Variants in RICTOR observed in about 807,000 individuals in gnomAD.
The protein encoded by RICTOR is rapamycin-insensitive companion of mTOR.
A neutral mutation model predicts 214.9 loss-of-function variants in RICTOR; 49 were observed. The ratio of observed to expected loss-of-function variants is 0.23; its 90% confidence interval spans 0.18 to 0.29. The LOEUF (loss-of-function observed/expected upper bound fraction) is 0.29. Ranked by LOEUF, RICTOR falls within the 10% of genes least tolerant of loss-of-function variation. The pLI, the probability that RICTOR is intolerant of heterozygous loss-of-function variation, is 1.00. For synonymous variants in RICTOR, 717 were observed against 711.3 expected (o/e 1.01, Z -0.13); for missense variants, 1,625 against 2,047.0 (o/e 0.79, Z 3.98).
chr5:39,019,799 C>T (rs1755257049), intron 3 of RICTOR, among the ~76,000 whole-genome samples: 1 of 152,094 alleles, frequency 6.6e-6, no homozygotes, highest in African/African-American at 2.4e-5. Flanking sequence ...ATACATTTTA[C>T]AACACTACAG....
intron 2 of RICTOR, among the ~76,000 whole-genome samples, chr5:39,047,090 T>C (rs1048548235): frequency 2.0e-5 from 3 of 152,342 alleles, no homozygotes; most frequent in Admixed American, 2.0e-4. Flanking sequence ...AATTTCCATC[T>C]TCAAATAATA....
chr5:39,072,209 C>T (rs1759374762), intron 2 of RICTOR, among the ~76,000 whole-genome samples: 1 of 152,146 alleles, frequency 6.6e-6, no homozygotes, highest in Non-Finnish European at 1.5e-5. Context: ...CCGAAAACAG[C>T]ATTTTCTGCA....
chr5:39,057,710 C>T (rs1275540461), intron 2 of RICTOR, among the ~76,000 whole-genome samples: 2 of 152,078 alleles, frequency 1.3e-5, no homozygotes, highest in African/African-American at 4.8e-5. Flanking sequence ...TTTAAATCTG[C>T]TCAGTGAACT....
At chr5:39,034,041 G>A (rs545506719) in intron 2 of RICTOR, among the ~76,000 whole-genome samples, 4 of 152,118 alleles carry the variant, frequency 2.6e-5, no homozygotes, top group African/African-American at 9.6e-5. Flanking sequence ...TGATTTCAAG[G>A]AGAAAAGGTT....
chr5:39,043,225 A>G (rs1757284989), intron 2 of RICTOR, among the ~76,000 whole-genome samples: 1 of 152,234 alleles, frequency 6.6e-6, no homozygotes, highest in East Asian at 1.9e-4. Flanking sequence ...GCCAAGATAT[A>G]GAAGCAACCT....
intron 19 of RICTOR, among the ~76,000 whole-genome samples, chr5:38,961,415 G>A (rs907432601): frequency 1.3e-5 from 2 of 152,104 alleles, no homozygotes; most frequent in Non-Finnish European, 2.9e-5. Context: ...TAGGCAAAAG[G>A]TCAAGCATGA....
At chr5:38,991,868 A>T (rs1752800308) in intron 6 of RICTOR, among the ~76,000 whole-genome samples, 1 of 152,150 alleles carries the variant, frequency 6.6e-6, no homozygotes, top group African/African-American at 2.4e-5. Flanking sequence ...ATTAATTCAA[A>T]ATAGCAGGTT....
chr5:38,990,657 T>C lies in RICTOR; in HGVS notation c.583+292A>G, dbSNP rs1314971163. On this transcript the variant is annotated intron_variant, in intron 7 of 37. Transcript: ENST00000357387. ...TATCTGACATATATCAGATATATGA[T>C]ATATATCAGATATATATCAGATATA... Among the ~76,000 whole-genome samples, 24 of 83,402 alleles carry C rather than the reference T, an allele frequency of 2.9e-4. 3 individuals are homozygous for C. The highest frequency in any genetic ancestry group is 9.9e-4 in the African/African-American group (23 of 23,116). The allele number at this position is 83,402 out of a possible 152,430, so 54.7% of individuals were successfully genotyped here.
chr5:38,960,443 C>A lies in RICTOR; in HGVS notation c.1806G>T (p.Thr602=), dbSNP rs760985733. 8 of 1,613,866 alleles carry A rather than the reference C, an allele frequency of 5.0e-6. No homozygotes were observed. Among genetic ancestry groups the A allele is most frequent in the Non-Finnish European group, 5.9e-6 (7 of 1,179,800 alleles). ...DLDFAKAKQL[T]VVGCQFTEFL... ...ATTCTGTAAACTGGCAACCTACAACCGTGAGCTGTTTGGCCTTGGCAAAAT... is the reference window on the plus strand; with the variant it reads ...ATTCTGTAAACTGGCAACCTACAACAGTGAGCTGTTTGGCCTTGGCAAAAT... The change falls in exon 20 of 38, where the codon ACG becomes ACT. Residue 602 remains threonine, a synonymous_variant. Coordinates refer to ENST00000357387, the MANE Select transcript of RICTOR (RefSeq NM_152756.5).
At chr5:39,039,912 T>C (rs975051282) in intron 2 of RICTOR, among the ~76,000 whole-genome samples, 17 of 151,880 alleles carry the variant, frequency 1.1e-4, no homozygotes, top group Admixed American at 7.9e-4. Context: ...AGTGTGGCGA[T>C]TCCTCAGGGA....
chr5:39,032,668 G>A (rs1262298939), intron 2 of RICTOR, among the ~76,000 whole-genome samples: 1 of 152,180 alleles, frequency 6.6e-6, no homozygotes, highest in Non-Finnish European at 1.5e-5. Flanking sequence ...CATTAGAAAA[G>A]AGGTTCATGA....
At chr5:39,007,967 T>C (rs377668500) in intron 3 of RICTOR, among the ~76,000 whole-genome samples, 2 of 151,470 alleles carry the variant, frequency 1.3e-5, no homozygotes, top group African/African-American at 2.4e-5. Flanking sequence ...TGGAGATTTA[T>C]GTATTTTAAA....
Position 38,940,013 on chromosome 5 carries a change from C to T in RICTOR, c.*2291G>A, listed in dbSNP as rs909689314. ...AACCAAATAGCACTATAAATTTAAGCGTAGACTTTTTTTTTTTTTTAGTAT... is the reference window on the plus strand; with the variant it reads ...AACCAAATAGCACTATAAATTTAAGTGTAGACTTTTTTTTTTTTTTAGTAT... On this transcript the variant is annotated 3_prime_UTR_variant, in exon 38 of 38. Coordinates refer to ENST00000357387, the MANE Select transcript of RICTOR (RefSeq NM_152756.5). 6.1e-5 allele frequency: 12 copies of T among 195,482 alleles called. No homozygotes were observed. In the East Asian group the frequency reaches 7.6e-4, roughly 12 times the overall value. The allele number at this position is 195,482 out of a possible 1,614,324, so 12.1% of individuals were successfully genotyped here.
In RICTOR at chr5:38,967,161, C is replaced by G; in HGVS notation, c.1218G>C (p.Glu406Asp). Residue 406 changes from glutamate (E) to aspartate (D), a missense_variant and splice_region_variant, in exon 14 of 38, where the codon GAG (glutamate) becomes GAC (aspartate). Coordinates refer to ENST00000357387, the MANE Select transcript of RICTOR (RefSeq NM_152756.5). Reference protein sequence around the residue: ...LSAFIRNGLLEGLVEVITNSD... With the variant: ...LSAFIRNGLLDGLVEVITNSD... Reference sequence around the variant, plus strand: ...ATAAAATAAGGTTTATAAGTCTTACCTCTAAAAGTCCATTACGAATAAATG... The same window carrying G: ...ATAAAATAAGGTTTATAAGTCTTACGTCTAAAAGTCCATTACGAATAAATG... 1 of 1,591,552 alleles carries G rather than the reference C, an allele frequency of 6.3e-7. No homozygotes were observed. The highest frequency in any genetic ancestry group is 8.6e-7 in the Non-Finnish European group (1 of 1,159,704).
chr5:39,040,887 A>G lies in RICTOR; in HGVS notation c.98-19751T>C, dbSNP rs112362358. On this transcript the variant is annotated intron_variant, in intron 2 of 37. Transcript: ENST00000357387. ...TAAATATATGATCTCATTCCTGGAG[A>G]TCAAAATTAAATGGGAAAAAAGAGG... 5.6e-3 allele frequency among the ~76,000 whole-genome samples: 852 copies of G among 152,296 alleles called. 1 individual carries two copies. The highest frequency in any genetic ancestry group is 8.0e-3 in the Non-Finnish European group (547 of 68,016).
chr5:38,962,457 G>A, intron 18 of RICTOR, 28 bp downstream of exon 18: 1 of 1,253,804 alleles, frequency 8.0e-7, no homozygotes, highest in East Asian at 2.4e-5. Context: ...TTAAAGACAA[G>A]CCATTACCAT....
At chr5:39,036,379 C>A (rs965379451) in intron 2 of RICTOR, among the ~76,000 whole-genome samples, 1 of 152,146 alleles carries the variant, frequency 6.6e-6, no homozygotes, top group Non-Finnish European at 1.5e-5. Context: ...ATTGTAAAGA[C>A]CATCAGGGCT....
chr5:38,990,664 CAG>C lies in RICTOR; in HGVS notation c.583+283_583+284del, dbSNP rs1491093131. Among the ~76,000 whole-genome samples, 24 of 129,220 alleles carry C rather than the reference CAG, an allele frequency of 1.9e-4. 5 individuals are homozygous for C. Among genetic ancestry groups the C allele is most frequent in the South Asian group, 9.5e-4 (4 of 4,196 alleles). 84.8% of individuals were successfully genotyped at this position (129,220 alleles called of 152,430 possible). A position where few individuals can be genotyped will look rare whatever the true frequency, so the allele number is the denominator to read the frequency against. ...CATATATCAGATATATGATATATAT[CAG>C]ATATATATCAGATATATCATATATA... is the stretch of plus-strand genomic sequence containing the variant. On this transcript the variant is annotated intron_variant, in intron 7 of 37. Transcript: ENST00000357387.
At chr5:39,051,658 C>A (rs564866131) in intron 2 of RICTOR, among the ~76,000 whole-genome samples, 326 of 152,072 alleles carry the variant, frequency 2.1e-3, no homozygotes, top group African/African-American at 7.0e-3. Context: ...GAGGCTGAGG[C>A]AGGAGAATCG....
Sources: gnomAD v4.1 joint callset for allele counts (sites outside exome capture counted in the v4.1 genomes callset) on GRCh38, gnomAD v4.1.1 for gene constraint, MANE v1.5 for transcripts, NCBI Gene and HGNC (gene_info 2026-07-23, HGNC 2026-07-21) for gene names.